Variants in MAP4K1 observed in about 807,000 individuals in gnomAD.
The protein encoded by MAP4K1 is MAPK/ERK kinase kinase kinase 1.
A neutral mutation model predicts 122.8 loss-of-function variants in MAP4K1; 35 were observed. That is an observed-to-expected ratio of 0.29 (90% confidence interval 0.22 to 0.38). The LOEUF (loss-of-function observed/expected upper bound fraction) is 0.38, where lower values mean the gene tolerates loss of function less well. MAP4K1 is among the 10% of genes least tolerant of loss of function. The pLI, the probability that MAP4K1 is intolerant of heterozygous loss-of-function variation, is 1.00. For synonymous variants in MAP4K1, 412 were observed against 421.3 expected, an observed-to-expected ratio of 0.98 and a Z score of 0.27; for missense variants, 791 against 1,072.6, an observed-to-expected ratio of 0.74 and a Z score of 3.67.
At chr19:38,591,736 C>T (rs1306527481) in intron 30 of MAP4K1, among the ~76,000 whole-genome samples, 3 of 150,914 alleles carry the variant, frequency 2.0e-5, no homozygotes, top group South Asian at 2.1e-4. Context: ...TTTGGGAGGC[C>T]GAGGCGGGCA....
At chr19:38,589,290 G>A (rs17847694) in intron 30 of MAP4K1, 1 of 268,338 alleles carries the variant, frequency 3.7e-6, no homozygotes, top group Non-Finnish European at 7.6e-6. Context: ...GGGACAGAGT[G>A]AGACTCTGAC....
At chr19:38,593,750 G>A (rs182127175) in intron 29 of MAP4K1, among the ~76,000 whole-genome samples, 6 of 152,178 alleles carry the variant, frequency 3.9e-5, no homozygotes, top group East Asian at 1.9e-4. Context: ...CTGTGGTGGC[G>A]CATGCCTGTA....
At chr19:38,606,692 CA>C (rs199866742) in intron 16 of MAP4K1, among the ~76,000 whole-genome samples, 3,222 of 151,990 alleles carry the variant, frequency 0.021, 95 homozygotes, top group African/African-American at 0.072. Flanking sequence ...CCCCATCCTA[CA>C]AAAAAATGAT....
At chr19:38,596,511 G>A in intron 25 of MAP4K1, 25 bp from the exon 26 acceptor site, 3 of 1,509,918 alleles carry the variant, frequency 2.0e-6, no homozygotes, top group Non-Finnish European at 2.7e-6. Flanking sequence ...GGGAGGGGCG[G>A]GCTAGGGGGT....
Position 38,602,645 on chromosome 19 carries a change from C to T in MAP4K1, c.1447-1120G>A, listed in dbSNP as rs1399122821. Among the ~76,000 whole-genome samples the T allele has an allele frequency of 2.2e-5, 3 of 134,116 alleles. No individual in the cohort carries two copies. In the East Asian group the frequency reaches 7.3e-4, roughly 33 times the overall value. The allele number at this position is 134,116 out of a possible 152,430, so 88.0% of individuals were successfully genotyped here. A position where few individuals can be genotyped will look rare whatever the true frequency, so the allele number is the denominator to read the frequency against. On this transcript the variant is annotated intron_variant, in intron 19 of 30. Coordinates refer to ENST00000396857, the MANE Select transcript of MAP4K1 (RefSeq NM_001042600.3). ...ATATACATATATATACACACCTATA[C>T]ATATATACATATATACACATGTACA...
chr19:38,595,733 G>GAC lies in MAP4K1; in HGVS notation c.2180-5_2180-4insGT. 1 of 1,592,744 alleles carries GAC rather than the reference G, an allele frequency of 6.3e-7. No individual in the cohort carries two copies. The highest frequency in any genetic ancestry group is 8.5e-7 in the Non-Finnish European group (1 of 1,169,944). ...GGGGTCACCAGCTTCACAGAGCCTG[G>GAC]AAGGAGATAGACGGTTTTAAGAACT... On this transcript the variant is annotated splice_polypyrimidine_tract_variant and splice_region_variant and intron_variant, in intron 27 of 30. Coordinates refer to ENST00000396857, the MANE Select transcript of MAP4K1 (RefSeq NM_001042600.3).
At chr19:38,612,788 G>A (rs374933494) in intron 8 of MAP4K1, 46 bp from the exon 9 acceptor site, 2 of 1,602,330 alleles carry the variant, frequency 1.2e-6, no homozygotes, top group African/African-American at 2.7e-5. Flanking sequence ...ATGGGGACAG[G>A]AAGGGAAGGA....
At chr19:38,594,957 T>TTATC (rs4018120) in intron 29 of MAP4K1, among the ~76,000 whole-genome samples, 6,118 of 146,630 alleles carry the variant, frequency 0.042, 211 homozygotes, top group South Asian at 0.099. Context: ...TAAATAAATT[T>TTATC]TATCTATCTA....
At position 38,617,411 on chromosome 19, in the gene MAP4K1, A is replaced by C; in HGVS notation, c.191T>G (p.Leu64Arg). The C allele has an allele frequency of 6.2e-7, 1 of 1,613,894 alleles. No individual in the cohort carries two copies. The highest frequency in any genetic ancestry group is 8.5e-7 in the Non-Finnish European group (1 of 1,179,940). ...GGCGTGCCGGCAAGTTTTCAATATG[A>C]GGATTTCCTTCTGAAGGGTGGAGAC... is the stretch of plus-strand genomic sequence containing the variant. Reference protein sequence around the residue: ...DDVSTLQKEILILKTCRHANI... With the variant: ...DDVSTLQKEIRILKTCRHANI... The change falls in exon 3 of 31, where the codon CTC (leucine) becomes CGC (arginine). Residue 64 changes from leucine to arginine, a missense_variant. Leu to Arg is a moderately radical substitution (Grantham distance 102, BLOSUM62 -2). Transcript: ENST00000396857. This position sits in a 1 kb window ranked among gnomAD's most constrained non-coding sequence, Gnocchi z 4.1.
intron 30 of MAP4K1, among the ~76,000 whole-genome samples, chr19:38,590,436 T>TATATATATAA (rs1246449708): frequency 1.4e-4 from 16 of 110,670 alleles, no homozygotes; most frequent in Non-Finnish European, 2.5e-4. Context: ...TATATATATA[T>TATATATATAA]AATCACGGGC....
chr19:38,603,375 T>C (rs1455572767), intron 19 of MAP4K1, among the ~76,000 whole-genome samples: 1 of 151,186 alleles, frequency 6.6e-6, no homozygotes, highest in Non-Finnish European at 1.5e-5. Context: ...CACATATACA[T>C]ATATACACAT....
intron 19 of MAP4K1, chr19:38,601,744 CTTTT>C (rs1420842592): frequency 3.8e-6 from 2 of 522,252 alleles, no homozygotes; most frequent in African/African-American, 4.1e-5. Context: ...TTATATATTT[CTTTT>C]TTTAGTTTTT....
At chr19:38,614,767 C>CA (rs1975598907) in intron 4 of MAP4K1, 1 of 364,202 alleles carries the variant, frequency 2.7e-6, no homozygotes, top group Non-Finnish European at 5.2e-6. Flanking sequence ...CTAAAAAATA[C>CA]AAAAATTAGC....
chr19:38,600,217 T>A, intron 20 of MAP4K1, 64 bp from the exon 21 acceptor site: 1 of 1,357,244 alleles, frequency 7.4e-7, no homozygotes. Flanking sequence ...GATCCCCACC[T>A]GTCTGACCTC....
At chr19:38,599,347 CA>C (rs35011527) in intron 22 of MAP4K1, among the ~76,000 whole-genome samples, 274 of 39,458 alleles carry the variant, frequency 6.9e-3, no homozygotes, top group Non-Finnish European at 0.011. Flanking sequence ...GACTCGGTCT[CA>C]AAAAAAAAAA....
intron 19 of MAP4K1, among the ~76,000 whole-genome samples, chr19:38,602,222 C>T (rs1467919672): frequency 6.6e-6 from 1 of 152,004 alleles, no homozygotes; most frequent in East Asian, 1.9e-4. Flanking sequence ...ATTACTGGCA[C>T]ACAACACCAC....
intron 6 of MAP4K1, 69 bp downstream of exon 6, chr19:38,614,176 A>G: frequency 6.2e-7 from 1 of 1,609,066 alleles, no homozygotes; most frequent in Non-Finnish European, 8.5e-7. Flanking sequence ...CTGATCCCTG[A>G]GCCCCTGAAA....
chr19:38,608,483 C>A (rs1317751351), intron 13 of MAP4K1, among the ~76,000 whole-genome samples: 3 of 151,794 alleles, frequency 2.0e-5, no homozygotes, highest in African/African-American at 4.8e-5. Context: ...AAGAACCCAT[C>A]CCTACAAAAA....
In MAP4K1 at chr19:38,587,800, G is replaced by A. The variant is rs1474643616; in HGVS notation, c.2414C>T (p.Thr805Ile). 8 of 1,613,838 alleles carry A rather than the reference G, an allele frequency of 5.0e-6. No individual in the cohort carries two copies. In the African/African-American group the frequency reaches 6.7e-5, roughly 13 times the overall value. ...LGSPRPVVVE[T>I]RPVDDPTAPS... ...AGCAGTAGGATCATCCACTGGGCGT[G>A]TCTCCACCACTACAGGCCTGTGGAA... Residue 805 changes from threonine (T) to isoleucine (I), a missense_variant, in exon 31 of 31, where the codon ACA becomes ATA. Coordinates refer to ENST00000396857, the MANE Select transcript of MAP4K1 (RefSeq NM_001042600.3).
Sources: gnomAD v4.1 joint callset for allele counts (sites outside exome capture counted in the v4.1 genomes callset) on GRCh38, gnomAD v4.1.1 for gene constraint, Gnocchi (gnomAD v3.1) non-coding constraint, MANE v1.5 for transcripts, NCBI Gene and HGNC (gene_info 2026-07-23, HGNC 2026-07-21) for gene names.